Variants in LAMA2 observed in about 807,000 individuals in gnomAD.
The protein encoded by LAMA2 is laminin subunit alpha 2.
In LAMA2, 269 loss-of-function variants were observed where a neutral mutation model predicts 364.8. That is an observed-to-expected ratio of 0.74 (90% CI 0.67 to 0.82). LAMA2 has a LOEUF of 0.82. Among genes scored for constraint, LAMA2 ranks in the 40% least tolerant of loss-of-function variants. LAMA2 has a pLI of 0.00. For synonymous variants in LAMA2, 1,379 were observed against 1,370.6 expected (o/e 1.01, Z -0.14); for missense variants, 3,807 against 3,873.2 (o/e 0.98, Z 0.45).
intron 36 of LAMA2, 38 bp from the exon 37 acceptor site, chr6:129,393,007 G>A (rs1489426074): frequency 3.3e-6 from 5 of 1,511,790 alleles, no homozygotes; most frequent in Non-Finnish European, 4.6e-6. Context: ...GCAGTGACAT[G>A]AGCTCATTGT....
At chr6:129,032,249 G>A (rs994146246) in intron 1 of LAMA2, among the ~76,000 whole-genome samples, 1 of 152,188 alleles carries the variant, frequency 6.6e-6, no homozygotes, top group Non-Finnish European at 1.5e-5. Context: ...GTTCCAGCAA[G>A]GAAGCTAGAC....
intron 8 of LAMA2, chr6:129,159,185 T>G: frequency 7.7e-7 from 1 of 1,295,908 alleles, no homozygotes; most frequent in Non-Finnish European, 1.1e-6. Flanking sequence ...CTTCACCAAT[T>G]TAAATGACTG....
intron 8 of LAMA2, among the ~76,000 whole-genome samples, chr6:129,157,319 A>G (rs1196816137): frequency 6.6e-6 from 1 of 152,220 alleles, no homozygotes; most frequent in Non-Finnish European, 1.5e-5. Flanking sequence ...AAAGTTGTCC[A>G]TATATAAAGA....
chr6:129,155,464 A>G (rs1168490430), intron 8 of LAMA2, among the ~76,000 whole-genome samples: 9 of 152,090 alleles, frequency 5.9e-5, no homozygotes, highest in Non-Finnish European at 2.9e-5. Context: ...TATGGATTTA[A>G]TTTTAATCGT....
At chr6:128,940,102 ATTTT>A (rs34466115) in intron 1 of LAMA2, among the ~76,000 whole-genome samples, 2 of 151,494 alleles carry the variant, frequency 1.3e-5, no homozygotes, top group Non-Finnish European at 2.9e-5. Flanking sequence ...TTCATAATGG[ATTTT>A]TTTTTGTTTG....
intron 1 of LAMA2, among the ~76,000 whole-genome samples, chr6:128,911,409 G>A (rs559590091): frequency 1.2e-4 from 19 of 152,186 alleles, no homozygotes; most frequent in African/African-American, 3.4e-4. Context: ...TCCAGGTGCC[G>A]CCCATCACCC....
chr6:129,165,424 T>C, intron 8 of LAMA2, 152 bp from the exon 9 acceptor site: 1 of 567,474 alleles, frequency 1.8e-6, no homozygotes, highest in Non-Finnish European at 3.1e-6. Context: ...TTTTAGAAAT[T>C]ATAAACATGT....
At chr6:129,356,617 C>T (rs1020348515) in intron 32 of LAMA2, among the ~76,000 whole-genome samples, 1 of 152,076 alleles carries the variant, frequency 6.6e-6, no homozygotes, top group Admixed American at 6.6e-5. Context: ...AACCTCTATG[C>T]TGGCTACTGA....
intron 40 of LAMA2, among the ~76,000 whole-genome samples, chr6:129,422,174 T>A (rs1234253365): frequency 6.6e-6 from 1 of 152,106 alleles, no homozygotes; most frequent in Non-Finnish European, 1.5e-5. Flanking sequence ...CCTTTCCTTA[T>A]ACTATTTCTA....
intron 4 of LAMA2, among the ~76,000 whole-genome samples, chr6:129,132,312 G>A (rs1208993629): frequency 1.3e-5 from 2 of 151,978 alleles, no homozygotes; most frequent in Admixed American, 6.6e-5. Context: ...GACTACAGGC[G>A]CCCGCCACCA....
chr6:129,267,119 G>C lies in LAMA2; in HGVS notation c.2222G>C (p.Arg741Thr), dbSNP rs1365704808. 6.2e-7 allele frequency: 1 copy of C among 1,610,884 alleles called. No individual in the cohort carries two copies. Among genetic ancestry groups the C allele is most frequent in the South Asian group, 1.1e-5 (1 of 91,020 alleles). The change falls in exon 16 of 65, where the codon AGG becomes ACG. Residue 741 changes from arginine (R) to threonine (T), a missense_variant. Arg to Thr is a moderately conservative substitution (Grantham distance 71, BLOSUM62 -1). Around this residue, in one of 3 missense-constraint regions of LAMA2, gnomAD observed 3,333 missense variants for 3,345.7 expected, o/e 1.00. Transcript: ENST00000421865. The stretch of plus-strand genomic sequence containing the variant: ...TCTTTCTCTCAGTCTTGTTGGCCTA[G>C]GCACAGGCGAGTTAACGGCACTATT... ...TGSSCESCWP[R>T]HRRVNGTIFG...
At chr6:129,486,044 G>C (rs1448507638) in intron 55 of LAMA2, among the ~76,000 whole-genome samples, 1 of 152,332 alleles carries the variant, frequency 6.6e-6, no homozygotes, top group South Asian at 2.1e-4. Flanking sequence ...TATTCTACCA[G>C]CTCAGAGAAC....
chr6:129,456,573 T>TA, intron 48 of LAMA2, 79 bp downstream of exon 48: 2 of 1,287,046 alleles, frequency 1.6e-6, no homozygotes, highest in Non-Finnish European at 1.1e-6. Flanking sequence ...GAAGGTATGA[T>TA]AAAGCTCTGT....
intron 3 of LAMA2, among the ~76,000 whole-genome samples, chr6:129,078,637 A>G (rs984430091): frequency 6.6e-6 from 1 of 152,130 alleles, no homozygotes; most frequent in African/African-American, 2.4e-5. Context: ...TGGTATGGCT[A>G]TTTTTTTAAA....
At chr6:129,352,595 A>G (rs1776914341) in intron 31 of LAMA2, among the ~76,000 whole-genome samples, 1 of 152,228 alleles carries the variant, frequency 6.6e-6, no homozygotes, top group Non-Finnish European at 1.5e-5. Flanking sequence ...TCTGAAATTC[A>G]TGAGTATAGG....
chr6:129,348,963 G>A lies in LAMA2; in HGVS notation c.4437-335G>A, dbSNP rs139289269. 1.1e-3 allele frequency among the ~76,000 whole-genome samples: 164 copies of A among 152,214 alleles called. 2 individuals carry two copies. Among genetic ancestry groups the A allele is most frequent in the African/African-American group, 3.7e-3 (154 of 41,530 alleles). On this transcript the variant is annotated intron_variant, in intron 30 of 64. Coordinates refer to ENST00000421865, the MANE Select transcript of LAMA2 (RefSeq NM_000426.4). ...AGACAATGTGCATAAATTCTAGTCA[G>A]ATTTTTCTTTTGATTAGTGAACAAT...
chr6:129,169,195 T>C (rs1187407149), intron 9 of LAMA2, among the ~76,000 whole-genome samples: 1 of 149,882 alleles, frequency 6.7e-6, no homozygotes, highest in Non-Finnish European at 1.5e-5. Context: ...CTTCCAACAC[T>C]ATGTTGAATA....
At chr6:128,946,307 C>T (rs1205212168) in intron 1 of LAMA2, among the ~76,000 whole-genome samples, 1 of 152,140 alleles carries the variant, frequency 6.6e-6, no homozygotes, top group African/African-American at 2.4e-5. Context: ...GCCTAGCCTA[C>T]CTTTAACATA....
rs534051057 is a variant in LAMA2 at position 129,086,971 on chromosome 6, G to A, written c.397-11202G>A. Among the ~76,000 whole-genome samples, 10 of 152,250 alleles carry A rather than the reference G, an allele frequency of 6.6e-5. No homozygotes were observed. The South Asian group carries it at 2.1e-3, about 32-fold the overall frequency. ...TCCTCCATCTTCAAAGCCAGGAACA[G>A]GTTGAATCCTTCGTTGTACCACCCT... On this transcript the variant is annotated intron_variant, in intron 3 of 64. Transcript: ENST00000421865.
Sources: gnomAD v4.1 joint callset for allele counts (sites outside exome capture counted in the v4.1 genomes callset) on GRCh38, gnomAD v4.1.1 for gene constraint, gnomAD v4.1.1 regional missense constraint, MANE v1.5 for transcripts, NCBI Gene and HGNC (gene_info 2026-07-23, HGNC 2026-07-21) for gene names.